LIMCH1: variants seen among roughly 807,000 people sequenced by gnomAD.
LIMCH1 encodes LIM and calponin homology domains 1.
Under a neutral mutation model 176.5 loss-of-function variants are expected in LIMCH1, and 113 were observed. The ratio of observed to expected loss-of-function variants is 0.64; its 90% CI spans 0.55 to 0.75. The LOEUF is 0.75. Among genes scored for constraint, LIMCH1 ranks in the 30% least tolerant of loss-of-function variants. LIMCH1 has a pLI of 0.00. For missense variants in LIMCH1, 1,674 were observed against 1,814.9 expected (o/e 0.92, Z 1.41); for synonymous variants, 619 against 645.9 (o/e 0.96, Z 0.63).
intron 1 of LIMCH1, among the ~76,000 whole-genome samples, chr4:41,472,761 AC>A (rs1294253591): frequency 6.6e-6 from 1 of 152,148 alleles, no homozygotes; most frequent in Non-Finnish European, 1.5e-5. Flanking sequence ...TCTTGGTTAG[AC>A]AGATTGGGAA....
intron 1 of LIMCH1, among the ~76,000 whole-genome samples, chr4:41,419,561 C>CCCTTCCTTCCTTCCGTCCTTCCTTCCTT (rs1561308553): frequency 1.7e-5 from 2 of 116,276 alleles, no homozygotes. Context: ...CTTTCCTTTC[C>CCCTTCCTTCCTTCCGTCCTTCCTTCCTT]CCTTCCTTCC....
At chr4:41,571,414 C>G (rs996226803) in intron 1 of LIMCH1, among the ~76,000 whole-genome samples, 1 of 151,946 alleles carries the variant, frequency 6.6e-6, no homozygotes, top group Non-Finnish European at 1.5e-5. Flanking sequence ...TTGACAGTGC[C>G]GTTTCTGGAG....
intron 7 of LIMCH1, among the ~76,000 whole-genome samples, chr4:41,624,845 T>C (rs1213034975): frequency 6.6e-6 from 1 of 152,060 alleles, no homozygotes; most frequent in Admixed American, 6.5e-5. Context: ...GAGCTTTTCT[T>C]CCCCCTCACC....
chr4:41,640,512 C>CT (rs1324431514), intron 14 of LIMCH1, among the ~76,000 whole-genome samples: 3 of 152,122 alleles, frequency 2.0e-5, no homozygotes, highest in African/African-American at 7.2e-5. Context: ...CTTGCCTTCT[C>CT]TAAGTTTACA....
chr4:41,659,412 T>G (rs2094549654), intron 18 of LIMCH1, among the ~76,000 whole-genome samples: 1 of 152,118 alleles, frequency 6.6e-6, no homozygotes, highest in African/African-American at 2.4e-5. Flanking sequence ...AAAATCACAT[T>G]TTTGCCACTA....
At chr4:41,676,874 C>T (rs1180385154) in intron 23 of LIMCH1, among the ~76,000 whole-genome samples, 1 of 152,068 alleles carries the variant, frequency 6.6e-6, no homozygotes, top group African/African-American at 2.4e-5. Flanking sequence ...TTTGCTCTAC[C>T]TTTGAGGGCT....
chr4:41,504,509 AG>A (rs1273644560), intron 2 of LIMCH1, among the ~76,000 whole-genome samples: 1 of 152,192 alleles, frequency 6.6e-6, no homozygotes, highest in Non-Finnish European at 1.5e-5. Context: ...GCTCACTTCA[AG>A]CCAGTGGTGC....
intron 1 of LIMCH1, among the ~76,000 whole-genome samples, chr4:41,471,502 C>T (rs1183931988): frequency 6.6e-6 from 1 of 152,170 alleles, no homozygotes; most frequent in Non-Finnish European, 1.5e-5. Context: ...GCCCTGCTGC[C>T]CCACGTCCAT....
At position 41,682,374 on chromosome 4, in the gene LIMCH1, C is replaced by T. The variant is rs771173786; in HGVS notation, c.3759C>T (p.Asp1253=). 1.2e-6 allele frequency: 2 copies of T among 1,612,466 alleles called. No individual in the cohort carries two copies. The highest frequency in any genetic ancestry group is 3.3e-5 in the Admixed American group (2 of 59,972). The part of the protein sequence containing the change: ...DLGNCQDEKQ[D]RRWKKSFQGD... ...GAAACTGTCAAGATGAAAAACAAGA[C>T]AGAAGATGGAAGAAATCATTCCAGG... Residue 1253 remains aspartate (D), a synonymous_variant, in exon 26 of 32, where the codon GAC becomes GAT. Coordinates refer to ENST00000503057, the MANE Select transcript of LIMCH1 (RefSeq NM_001330672.2).
At chr4:41,644,686 C>T (rs563887509) in intron 15 of LIMCH1, 60 bp downstream of exon 15, 483 of 1,558,366 alleles carry the variant, frequency 3.1e-4, no homozygotes, top group Non-Finnish European at 3.8e-4. Flanking sequence ...AAAATCCAGC[C>T]GGGTGGGTAG....
chr4:41,661,229 G>T (rs1359312251), intron 18 of LIMCH1, among the ~76,000 whole-genome samples, 191 bp from the exon 19 acceptor site: 1 of 152,078 alleles, frequency 6.6e-6, no homozygotes, highest in African/African-American at 2.4e-5. Context: ...GAACCGCATG[G>T]GTGTCCTGTT....
intron 2 of LIMCH1, among the ~76,000 whole-genome samples, chr4:41,495,444 C>T (rs1470109170): frequency 6.6e-6 from 1 of 152,186 alleles, no homozygotes; most frequent in Non-Finnish European, 1.5e-5. Context: ...TCTCAAGCCC[C>T]TGGAGACAAG....
chr4:41,555,565 A>G (rs779182299), intron 1 of LIMCH1, among the ~76,000 whole-genome samples: 10 of 152,174 alleles, frequency 6.6e-5, no homozygotes, highest in Admixed American at 3.9e-4. Context: ...AACAAATATC[A>G]GAAAATCACC....
chr4:41,689,538 G>C lies in LIMCH1; in HGVS notation c.4178G>C (p.Gly1393Ala), dbSNP rs758170747. ...PGQSPNRSIS[G>A]KKLCSSCGLP... ...ATTTTTAAACCTAGGTCTATAAGTGGAAAGAAGCTGTGCTCTTCCTGTGGG... is the reference window on the plus strand; with the variant it reads ...ATTTTTAAACCTAGGTCTATAAGTGCAAAGAAGCTGTGCTCTTCCTGTGGG... Residue 1393 changes from glycine to alanine, a missense_variant, in exon 30 of 32, where the codon GGA becomes GCA. Gly to Ala is a moderately conservative substitution (Grantham distance 60). Around this residue, in one of 3 missense-constraint regions of LIMCH1, gnomAD observed 1,015 missense variants for 1,102.5 expected, o/e 0.92. Transcript: ENST00000503057. 6.2e-7 allele frequency: 1 copy of C among 1,602,110 alleles called. No homozygotes were observed. The highest frequency in any genetic ancestry group is 1.1e-5 in the South Asian group (1 of 90,880).
chr4:41,471,617 C>T (rs2066974570), intron 1 of LIMCH1, among the ~76,000 whole-genome samples: 2 of 152,162 alleles, frequency 1.3e-5, no homozygotes, highest in Non-Finnish European at 2.9e-5. Flanking sequence ...GTTTATCCTC[C>T]TAGAGATTGG....
intron 27 of LIMCH1, 67 bp downstream of exon 27, chr4:41,684,585 A>T: frequency 1.3e-6 from 2 of 1,569,520 alleles, no homozygotes; most frequent in East Asian, 4.5e-5. Flanking sequence ...ATTGTCCAGA[A>T]AGCTATGATC....
At chr4:41,406,449 A>G (rs1051127635) in intron 1 of LIMCH1, among the ~76,000 whole-genome samples, 6 of 152,180 alleles carry the variant, frequency 3.9e-5, no homozygotes, top group African/African-American at 1.4e-4. Flanking sequence ...ATATTTCACC[A>G]TGAATGGTGA....
At chr4:41,684,160 C>A (rs2153056577) in intron 26 of LIMCH1, among the ~76,000 whole-genome samples, 1 of 152,192 alleles carries the variant, frequency 6.6e-6, no homozygotes, top group Non-Finnish European at 1.5e-5. Context: ...AGAATGAAGA[C>A]CTTTGTGGAC....
At chr4:41,652,608 T>C (rs1270439794) in intron 18 of LIMCH1, among the ~76,000 whole-genome samples, 1 of 152,204 alleles carries the variant, frequency 6.6e-6, no homozygotes, top group Non-Finnish European at 1.5e-5. Context: ...TAATTAGACA[T>C]AGGGGTGGCA....
Sources: allele counts gnomAD v4.1 joint callset (sites outside exome capture counted in the v4.1 genomes callset), GRCh38; gene constraint gnomAD v4.1.1; regional missense constraint gnomAD v4.1.1; transcripts MANE v1.5; gene names NCBI Gene and HGNC (gene_info 2026-07-23, HGNC 2026-07-21).